Variants in ZFYVE28 observed in about 807,000 individuals in gnomAD.
ZFYVE28 encodes the protein zinc finger FYVE-type containing 28, also known as lateral signaling target protein 2 homolog.
In ZFYVE28, 40 loss-of-function variants were observed where a neutral mutation model predicts 82.1. That is an observed-to-expected ratio of 0.49 (90% CI 0.38 to 0.63). The LOEUF (loss-of-function observed/expected upper bound fraction) is 0.63, where lower values mean the gene tolerates loss of function less well. ZFYVE28 is among the 30% of genes least tolerant of loss of function. ZFYVE28 has a pLI of 0.00. For synonymous variants in ZFYVE28, 612 were observed against 546.1 expected, an observed-to-expected ratio of 1.12 and a Z score of -1.68; for missense variants, 1,321 against 1,242.1, an observed-to-expected ratio of 1.06 and a Z score of -0.96.
rs201209949 is a variant in ZFYVE28, at chr4:2,339,576, C to A, written c.398G>T (p.Arg133Leu). 1 of 1,612,578 alleles carries A rather than the reference C, an allele frequency of 6.2e-7. No homozygotes were observed. Among genetic ancestry groups the A allele is most frequent in the East Asian group, 2.2e-5 (1 of 44,814 alleles). The change falls in exon 4 of 13, where the codon CGC (arginine) becomes CTC (leucine). Residue 133 changes from arginine to leucine, a missense_variant. Coordinates refer to ENST00000290974, the MANE Select transcript of ZFYVE28 (RefSeq NM_020972.3). This position sits in a 1 kb window ranked among gnomAD's most constrained non-coding sequence, Gnocchi z 5.0. ...GGCGCCCCGCACGTCCTCCAGGCTG[C>A]GCGTCAGCTCCTTGGCCAGCGGGCG... ...AMRPLAKELTRSLEDVRGALR... is the reference protein window; with the variant it reads ...AMRPLAKELTLSLEDVRGALR...
In ZFYVE28 at chr4:2,270,107, G is replaced by A. The variant is rs1735787103; in HGVS notation, c.*618C>T. 1 of 153,634 alleles carries A rather than the reference G, an allele frequency of 6.5e-6. No individual in the cohort carries two copies. Among genetic ancestry groups the A allele is most frequent in the African/African-American group, 2.4e-5 (1 of 41,444 alleles). The allele number at this position is 153,634 out of a possible 1,614,324, so 9.5% of individuals were successfully genotyped here. A position where few individuals can be genotyped will look rare whatever the true frequency, so the allele number is the denominator to read the frequency against. On this transcript the variant is annotated 3_prime_UTR_variant, in exon 13 of 13. Coordinates refer to ENST00000290974, the MANE Select transcript of ZFYVE28 (RefSeq NM_020972.3). ...ACACCAGGAGCACCCTGCCTGCCTA[G>A]AGGACCACTGGGTCAGCTTCCCGCA...
chr4:2,270,918 C>G, intron 12 of ZFYVE28, 62 bp from the exon 13 acceptor site: 1 of 1,558,660 alleles, frequency 6.4e-7, no homozygotes. Context: ...CCTGGCTCCT[C>G]GCCCTCCCAC....
intron 8 of ZFYVE28, among the ~76,000 whole-genome samples, chr4:2,284,008 G>C (rs1228122087): frequency 1.3e-5 from 2 of 152,228 alleles, no homozygotes; most frequent in African/African-American, 2.4e-5. Flanking sequence ...GCCCCCAGAG[G>C]ATGCTCCACA....
rs779537719 is a variant in ZFYVE28 at position 2,304,270 on chromosome 4, G to C, written c.2051+19C>G. On this transcript the variant is annotated intron_variant, in intron 8 of 12. Coordinates refer to ENST00000290974, the MANE Select transcript of ZFYVE28 (RefSeq NM_020972.3). ...TGCAGAGAGGACAAACCCAGTCTCT[G>C]GGCCAGACTGGCTCTTACCTGGAGC... 13 of 1,542,620 alleles carry C rather than the reference G, an allele frequency of 8.4e-6. No homozygotes were observed. The East Asian group carries it at 2.9e-4, about 35-fold the overall frequency.
chr4:2,275,582 T>C (rs1383749029), intron 8 of ZFYVE28, among the ~76,000 whole-genome samples: 1 of 152,256 alleles, frequency 6.6e-6, no homozygotes, highest in African/African-American at 2.4e-5. Flanking sequence ...TTGGCTCATT[T>C]ATTTGGCCGT....
chr4:2,355,985 A>T lies in ZFYVE28; in HGVS notation c.40-1912T>A, dbSNP rs557152099. Among the ~76,000 whole-genome samples the T allele has an allele frequency of 2.0e-5, 3 of 152,328 alleles. No individual in the cohort carries two copies. In the South Asian group the frequency reaches 6.2e-4, roughly 32 times the overall value. ...TTCGAATGCGCTGGCCGTGTTCCCC[A>T]CAGACTCCCATCTCCGTCGGGGCCG... On this transcript the variant is annotated intron_variant, in intron 1 of 12. Transcript: ENST00000290974.
intron 1 of ZFYVE28, among the ~76,000 whole-genome samples, chr4:2,376,725 A>G (rs949015851): frequency 1.4e-4 from 22 of 152,154 alleles, no homozygotes; most frequent in Non-Finnish European, 2.9e-4. Flanking sequence ...TGTGGGGATT[A>G]TGGGATTACA....
intron 10 of ZFYVE28, 147 bp from the exon 11 acceptor site, chr4:2,271,926 C>T (rs1397823385): frequency 1.4e-6 from 1 of 712,596 alleles, no homozygotes; most frequent in East Asian, 2.7e-5. Context: ...GGTGGCACCA[C>T]AGCAGGTTGG....
At chr4:2,311,367 T>C (rs1416693199) in intron 7 of ZFYVE28, among the ~76,000 whole-genome samples, 4 of 151,984 alleles carry the variant, frequency 2.6e-5, no homozygotes, top group Non-Finnish European at 5.9e-5. Context: ...TTACTAAAAG[T>C]ACAAAAAAAT....
At chr4:2,292,323 G>A (rs1196348983) in intron 8 of ZFYVE28, among the ~76,000 whole-genome samples, 1 of 152,232 alleles carries the variant, frequency 6.6e-6, no homozygotes, top group Non-Finnish European at 1.5e-5. Context: ...GCCATGGGCT[G>A]AACGATGGTG....
At chr4:2,312,953 G>A (rs1229203313) in intron 7 of ZFYVE28, among the ~76,000 whole-genome samples, 1 of 151,992 alleles carries the variant, frequency 6.6e-6, no homozygotes, top group South Asian at 2.1e-4. Context: ...GCTGAGGCAC[G>A]AGAATCGCTT....
At chr4:2,382,104 A>T (rs186599622) in intron 1 of ZFYVE28, among the ~76,000 whole-genome samples, 30 of 152,382 alleles carry the variant, frequency 2.0e-4, no homozygotes, top group African/African-American at 6.5e-4. Flanking sequence ...GGGAACCTCC[A>T]CTAGATTTCA....
intron 1 of ZFYVE28, among the ~76,000 whole-genome samples, chr4:2,368,742 T>C (rs1451108529): frequency 6.6e-6 from 1 of 152,252 alleles, no homozygotes; most frequent in African/African-American, 2.4e-5. Context: ...CTTGCACTGC[T>C]CCCACCTTTT....
intron 1 of ZFYVE28, among the ~76,000 whole-genome samples, chr4:2,382,065 G>A (rs1012006880): frequency 3.3e-5 from 5 of 152,254 alleles, no homozygotes; most frequent in South Asian, 2.1e-4. Flanking sequence ...TTGAGCCTGC[G>A]AGTGCACAGA....
chr4:2,379,274 C>G (rs1728480511), intron 1 of ZFYVE28, among the ~76,000 whole-genome samples: 1 of 152,168 alleles, frequency 6.6e-6, no homozygotes, highest in Non-Finnish European at 1.5e-5. Flanking sequence ...CCTCATCTAC[C>G]AAGAAAAGGA....
In ZFYVE28 at chr4:2,270,590, G is replaced by T; in HGVS notation, c.*135C>A. The T allele has an allele frequency of 7.6e-7, 1 of 1,314,790 alleles. No homozygotes were observed. The allele number at this position is 1,314,790 out of a possible 1,614,324, so 81.4% of individuals were successfully genotyped here. Reference sequence around the variant, plus strand: ...TAGCGTGGGCAGGACAGAGGCTCTGGATGCTCTGGAGGTCTGGGTGCCCCT... The same window carrying T: ...TAGCGTGGGCAGGACAGAGGCTCTGTATGCTCTGGAGGTCTGGGTGCCCCT... On this transcript the variant is annotated 3_prime_UTR_variant, in exon 13 of 13. Coordinates refer to ENST00000290974, the MANE Select transcript of ZFYVE28 (RefSeq NM_020972.3).
chr4:2,381,717 G>C (rs957166869), intron 1 of ZFYVE28, among the ~76,000 whole-genome samples: 1 of 152,196 alleles, frequency 6.6e-6, no homozygotes, highest in Non-Finnish European at 1.5e-5. Context: ...GTGACAATGT[G>C]ATAGAAGAGA....
At chr4:2,297,876 A>G (rs961177789) in intron 8 of ZFYVE28, among the ~76,000 whole-genome samples, 15 of 146,586 alleles carry the variant, frequency 1.0e-4, no homozygotes, top group Non-Finnish European at 2.1e-4. Flanking sequence ...GGAACGGCAG[A>G]GGACGAGCGG....
rs1037739419 is a variant in ZFYVE28, at chr4:2,395,862, A to C, written c.39+22423T>G. On this transcript the variant is annotated intron_variant, in intron 1 of 12. Transcript: ENST00000290974. ...ATTAGGGCTGGGCTCTTTCTCACCC[A>C]AGGCACTGCTGACACTTGGCGCCAG... Among the ~76,000 whole-genome samples the C allele has an allele frequency of 9.2e-5, 14 of 152,210 alleles. No individual in the cohort carries two copies. The East Asian group carries it at 2.1e-3, about 23-fold the overall frequency.
Sources: allele counts gnomAD v4.1 joint callset (sites outside exome capture counted in the v4.1 genomes callset), GRCh38; gene constraint gnomAD v4.1.1; non-coding constraint Gnocchi (gnomAD v3.1); transcripts MANE v1.5; gene names NCBI Gene and HGNC (gene_info 2026-07-23, HGNC 2026-07-21).